Variants in ANKRD11 observed in about 807,000 individuals in gnomAD.
ANKRD11 encodes ankyrin repeat domain-containing protein 11.
In ANKRD11, 17 loss-of-function variants were observed where a neutral mutation model predicts 195.7. The ratio of observed to expected loss-of-function variants is 0.09; its 90% CI spans 0.06 to 0.13. ANKRD11 has a LOEUF of 0.13. Ranked by LOEUF, ANKRD11 falls within the 10% of genes least tolerant of loss-of-function variation. ANKRD11 has a pLI of 1.00. For missense variants in ANKRD11, 3,735 were observed against 3,566.1 expected (o/e 1.05, Z -1.21); for synonymous variants, 1,953 against 1,528.1 (o/e 1.28, Z -6.49).
In ANKRD11 at chr16:89,282,805, T is replaced by C; in HGVS notation, c.3737A>G (p.His1246Arg). 1 of 1,611,570 alleles carries C rather than the reference T, an allele frequency of 6.2e-7. No individual in the cohort carries two copies. Among genetic ancestry groups the C allele is most frequent in the Non-Finnish European group, 8.5e-7 (1 of 1,180,016 alleles). ...QKLPEKAEKK[H>R]AAEDKAKSKH... ...GCTTTTAGCCTTGTCTTCGGCAGCG[T>C]GCTTCTTTTCAGCCTTCTCGGGGAG... Residue 1246 changes from histidine (H) to arginine (R), a missense_variant, in exon 9 of 13, where the codon CAC becomes CGC. Physicochemically the swap from His to Arg is conservative, Grantham distance 29. Transcript: ENST00000301030.
intron 9 of ANKRD11, chr16:89,277,464 A>G (rs1438966395): frequency 2.6e-5 from 4 of 152,178 alleles, no homozygotes; most frequent in Non-Finnish European, 5.9e-5. Flanking sequence ...TTTCCCCTGT[A>G]TTTTCCAAAT....
chr16:89,361,140 C>T lies in ANKRD11; in HGVS notation c.-59-44062G>A, dbSNP rs576167855. On this transcript the variant is annotated intron_variant, in intron 2 of 12. Coordinates refer to ENST00000301030, the MANE Select transcript of ANKRD11 (RefSeq NM_013275.6). The stretch of plus-strand genomic sequence containing the variant: ...CAATTACAGACACCCTGGCTAGGCC[C>T]GTACTTCTTCCTGTAAGCCTGAAAC... Among the ~76,000 whole-genome samples, 11 of 152,320 alleles carry T rather than the reference C, an allele frequency of 7.2e-5. No individual in the cohort carries two copies. In the South Asian group the frequency reaches 8.3e-4, roughly 11 times the overall value.
Position 89,283,007 on chromosome 16 carries a change from T to C in ANKRD11, c.3535A>G (p.Lys1179Glu). 1 of 1,613,850 alleles carries C rather than the reference T, an allele frequency of 6.2e-7. No homozygotes were observed. Among genetic ancestry groups the C allele is most frequent in the Non-Finnish European group, 8.5e-7 (1 of 1,180,026 alleles). The change falls in exon 9 of 13, where the codon AAG becomes GAG. Residue 1179 changes from lysine to glutamate, a missense_variant. Physicochemically the swap from Lys to Glu is moderately conservative, Grantham distance 56. Transcript: ENST00000301030. The surrounding 1 kb of genome is among the most constrained non-coding windows in gnomAD (Gnocchi z 4.3). Reference sequence around the variant, plus strand: ...TCCTTTCTCCTGTCTCTGGGCTCCTTGTCCTTCTGCCTCTCAGGGTGCTGC... The same window carrying C: ...TCCTTTCTCCTGTCTCTGGGCTCCTCGTCCTTCTGCCTCTCAGGGTGCTGC... ...DKQHPERQKD[K>E]EPRDRRKDRG...
chr16:89,379,325 T>A (rs1396192518), intron 2 of ANKRD11, among the ~76,000 whole-genome samples: 1 of 152,232 alleles, frequency 6.6e-6, no homozygotes, highest in South Asian at 2.1e-4. Context: ...AACAATTTTA[T>A]AAAATAATTT....
intron 2 of ANKRD11, among the ~76,000 whole-genome samples, chr16:89,383,583 C>T (rs1032268506): frequency 6.6e-6 from 1 of 152,220 alleles, no homozygotes; most frequent in African/African-American, 2.4e-5. Flanking sequence ...CCAGGAATGG[C>T]CAAAGCCGAA....
intron 2 of ANKRD11, among the ~76,000 whole-genome samples, chr16:89,321,451 G>GGGAGCTGTGGGGCT (rs1567641601): frequency 6.9e-6 from 1 of 145,646 alleles, no homozygotes; most frequent in African/African-American, 2.7e-5. Flanking sequence ...GGTGTGGGGC[G>GGGAGCTGTGGGGCT]GGAGCTGCGG....
rs1260337383 is a variant in ANKRD11 at position 89,283,056 on chromosome 16, G to A, written c.3486C>T (p.Asp1162=). ...KEEGREAYAS[D]RHRKSSDKQH... is the part of the protein sequence containing the mutation. ...GCTTGTCAGAAGACTTCCTGTGTCT[G>A]TCGGAGGCATAGGCCTCCCGTCCTT... The change falls in exon 9 of 13, where the codon GAC becomes GAT. Residue 1162 remains aspartate (D), a synonymous_variant. Coordinates refer to ENST00000301030, the MANE Select transcript of ANKRD11 (RefSeq NM_013275.6). This position sits in a 1 kb window ranked among gnomAD's most constrained non-coding sequence, Gnocchi z 4.3. 1.2e-6 allele frequency: 2 copies of A among 1,613,760 alleles called. No homozygotes were observed. The highest frequency in any genetic ancestry group is 3.3e-5 in the Admixed American group (2 of 59,990).
At chr16:89,375,246 C>T (rs1265316988) in intron 2 of ANKRD11, among the ~76,000 whole-genome samples, 9 of 152,226 alleles carry the variant, frequency 5.9e-5, no homozygotes, top group East Asian at 3.9e-4. Context: ...ATCGTCTCCG[C>T]GTGAGCAGCT....
Position 89,267,963 on chromosome 16 carries a change from AGCCCAGTCTGAG to A in ANKRD11, c.*503_*514del, listed in dbSNP as rs1220049722. 2 of 163,638 alleles carry A rather than the reference AGCCCAGTCTGAG, an allele frequency of 1.2e-5. No individual in the cohort carries two copies. The highest frequency in any genetic ancestry group is 2.7e-5 in the Non-Finnish European group (2 of 74,452). The allele number at this position is 163,638 out of a possible 1,614,324, so 10.1% of individuals were successfully genotyped here. A position where few individuals can be genotyped will look rare whatever the true frequency, so the allele number is the denominator to read the frequency against. ...CCGCCTGGCTCCGCACCAGGTCTGA[AGCCCAGTCTGAG>A]GCCGTCGCAGCTCGGCGGCAACAGA... is the stretch of plus-strand genomic sequence containing the variant. On this transcript the variant is annotated 3_prime_UTR_variant, in exon 13 of 13. Transcript: ENST00000301030.
Position 89,284,671 on chromosome 16 carries a change from T to C in ANKRD11, c.1871A>G (p.Lys624Arg), listed in dbSNP as rs2034518561. ...SAEGAVPKLD[K>R]EGKVVKKHKT... ...ATGTTTTTTGACAACTTTCCCCTCC[T>C]TGTCCAGTTTGGGGACAGCGCCCTC... Residue 624 changes from lysine to arginine, a missense_variant, in exon 9 of 13, where the codon AAG becomes AGG. Lys to Arg is a conservative substitution (Grantham distance 26). Coordinates refer to ENST00000301030, the MANE Select transcript of ANKRD11 (RefSeq NM_013275.6). 3.7e-6 allele frequency: 6 copies of C among 1,614,002 alleles called. No homozygotes were observed. Among genetic ancestry groups the C allele is most frequent in the Non-Finnish European group, 5.1e-6 (6 of 1,180,030 alleles).
chr16:89,346,983 C>T (rs1006726228), intron 2 of ANKRD11, among the ~76,000 whole-genome samples: 5 of 152,198 alleles, frequency 3.3e-5, no homozygotes, highest in African/African-American at 1.2e-4. Context: ...TAGGAAGGCG[C>T]GAACTGTCTG....
At chr16:89,328,142 G>T (rs2037832958) in intron 2 of ANKRD11, among the ~76,000 whole-genome samples, 1 of 100,758 alleles carries the variant, frequency 9.9e-6, no homozygotes, top group Non-Finnish European at 2.3e-5. Flanking sequence ...ACAACTTAAA[G>T]CCGCAATGAG....
chr16:89,324,376 G>A (rs763919837), intron 2 of ANKRD11: 49 of 766,260 alleles, frequency 6.4e-5, no homozygotes, highest in Middle Eastern at 2.7e-4. Flanking sequence ...AGGGCGGCAC[G>A]TGGGCGCAAA....
intron 2 of ANKRD11, among the ~76,000 whole-genome samples, chr16:89,401,924 G>A (rs920464151): frequency 6.7e-6 from 1 of 150,258 alleles, no homozygotes; most frequent in Non-Finnish European, 1.5e-5. Flanking sequence ...CCTGGAGAGA[G>A]GCCTGGAGCA....
intron 9 of ANKRD11, among the ~76,000 whole-genome samples, chr16:89,276,240 G>A (rs2033641650): frequency 6.6e-6 from 1 of 152,224 alleles, no homozygotes; most frequent in Non-Finnish European, 1.5e-5. Context: ...GGCGGAAGGG[G>A]TGGCTCCTGA....
At chr16:89,391,584 A>G (rs2041202389) in intron 2 of ANKRD11, among the ~76,000 whole-genome samples, 1 of 152,226 alleles carries the variant, frequency 6.6e-6, no homozygotes. Context: ...TTTCCCCCTC[A>G]GAACCCCTAC....
intron 4 of ANKRD11, chr16:89,300,486 C>A (rs1409660409): frequency 9.3e-6 from 2 of 215,402 alleles, no homozygotes; most frequent in African/African-American, 4.7e-5. Flanking sequence ...CTGCTGCACT[C>A]TGCTCTCTCT....
At chr16:89,293,528 G>A (rs559737058) in intron 4 of ANKRD11, among the ~76,000 whole-genome samples, 1 of 141,362 alleles carries the variant, frequency 7.1e-6, no homozygotes, top group South Asian at 2.4e-4. Flanking sequence ...GAGGCGGGGT[G>A]GTGTTGGGGC....
intron 11 of ANKRD11, among the ~76,000 whole-genome samples, chr16:89,273,772 G>A (rs1466350645): frequency 6.6e-6 from 1 of 152,192 alleles, no homozygotes; most frequent in Non-Finnish European, 1.5e-5. Flanking sequence ...AAGAAAGGAA[G>A]ATCTTTAATG....
Sources: gnomAD v4.1 joint callset for allele counts (sites outside exome capture counted in the v4.1 genomes callset) on GRCh38, gnomAD v4.1.1 for gene constraint, Gnocchi (gnomAD v3.1) non-coding constraint, MANE v1.5 for transcripts, NCBI Gene and HGNC (gene_info 2026-07-23, HGNC 2026-07-21) for gene names.